TBC1D4: variants seen among roughly 807,000 people sequenced by gnomAD.
The protein encoded by TBC1D4 is TBC1 domain family member 4, also known as TBC (Tre-2, BUB2, CDC16) domain-containing protein.
Under a neutral mutation model 142.5 loss-of-function variants are expected in TBC1D4, and 121 were observed. The observed-to-expected ratio is 0.85, with a 90% CI of 0.73 to 0.99. The LOEUF (loss-of-function observed/expected upper bound fraction) is 0.99, where lower values mean the gene tolerates loss of function less well. TBC1D4 is among the 50% of genes least tolerant of loss of function. TBC1D4 has a pLI of 0.00. For missense variants in TBC1D4, 1,475 were observed against 1,606.6 expected, an observed-to-expected ratio of 0.92 and a Z score of 1.40; for synonymous variants, 630 against 628.2, an observed-to-expected ratio of 1.00 and a Z score of -0.04.
At chr13:75,469,587 A>G (rs1888313443) in intron 1 of TBC1D4, among the ~76,000 whole-genome samples, 1 of 152,166 alleles carries the variant, frequency 6.6e-6, no homozygotes, top group South Asian at 2.1e-4. Context: ...CCTGGGAAAC[A>G]TAGCCAAACC....
intron 1 of TBC1D4, among the ~76,000 whole-genome samples, chr13:75,429,005 G>C (rs1036831236): frequency 6.6e-6 from 1 of 152,112 alleles, no homozygotes; most frequent in African/African-American, 2.4e-5. Flanking sequence ...TGCCTTTGCC[G>C]AATCACCTGA....
chr13:75,380,737 G>C (rs890928641), intron 1 of TBC1D4, among the ~76,000 whole-genome samples: 1 of 152,106 alleles, frequency 6.6e-6, no homozygotes, highest in Non-Finnish European at 1.5e-5. Context: ...TCCTATGGGA[G>C]TCCTGACAAA....
chr13:75,304,879 G>C (rs1349770996), intron 15 of TBC1D4, among the ~76,000 whole-genome samples: 1 of 152,154 alleles, frequency 6.6e-6, no homozygotes, highest in Non-Finnish European at 1.5e-5. Flanking sequence ...AAGTAAAATA[G>C]AGCACACAAT....
rs373080119 is a variant in TBC1D4, at chr13:75,362,566, C to T, written c.540G>A (p.Ala180=). The part of the protein sequence containing the change: ...VISSIRQLSK[A]AMKEDAKPSK... ...TGGGTTTGGCATCCTCTTTCATGGCCGCTTTAGATAATTGCCTTATGCTGC... is the reference window on the plus strand; with the variant it reads ...TGGGTTTGGCATCCTCTTTCATGGCTGCTTTAGATAATTGCCTTATGCTGC... The change falls in exon 2 of 21, where the codon GCG becomes GCA. Residue 180 remains alanine (A), a synonymous_variant. Transcript: ENST00000377636. This position sits in a 1 kb window ranked among gnomAD's most constrained non-coding sequence, Gnocchi z 4.2. The T allele has an allele frequency of 3.7e-6, 6 of 1,614,124 alleles. No homozygotes were observed. Among genetic ancestry groups the T allele is most frequent in the African/African-American group, 1.3e-5 (1 of 75,030 alleles).
chr13:75,375,139 G>A (rs1424355675), intron 1 of TBC1D4, among the ~76,000 whole-genome samples: 2 of 152,212 alleles, frequency 1.3e-5, no homozygotes, highest in East Asian at 3.8e-4. Flanking sequence ...AAGGAAATTA[G>A]TCTGGTACCA....
chr13:75,357,473 C>T (rs986384004), intron 3 of TBC1D4, among the ~76,000 whole-genome samples: 6 of 152,166 alleles, frequency 3.9e-5, no homozygotes, highest in Admixed American at 1.3e-4. Context: ...TATAACATTC[C>T]CTTCTCACCT....
intron 2 of TBC1D4, among the ~76,000 whole-genome samples, chr13:75,361,232 T>C (rs1882473865): frequency 6.6e-6 from 1 of 152,224 alleles, no homozygotes; most frequent in Non-Finnish European, 1.5e-5. Context: ...TTAACGTCTT[T>C]TGGTGTGACA....
intron 1 of TBC1D4, among the ~76,000 whole-genome samples, chr13:75,432,193 G>A (rs1886615879): frequency 6.6e-6 from 1 of 152,174 alleles, no homozygotes; most frequent in Non-Finnish European, 1.5e-5. Context: ...TCCATGACTG[G>A]AGAGAATGGT....
chr13:75,434,764 G>A (rs1188304687), intron 1 of TBC1D4, among the ~76,000 whole-genome samples: 1 of 151,834 alleles, frequency 6.6e-6, no homozygotes, highest in Non-Finnish European at 1.5e-5. Context: ...TTCAAAATCT[G>A]TAAAACAAAA....
chr13:75,376,567 G>A (rs1314681094), intron 1 of TBC1D4, among the ~76,000 whole-genome samples: 2 of 152,146 alleles, frequency 1.3e-5, no homozygotes, highest in Admixed American at 6.5e-5. Flanking sequence ...TAGTAGAGAC[G>A]AGATGGGGTT....
chr13:75,299,478 T>G lies in TBC1D4; in HGVS notation c.3008A>C (p.Lys1003Thr). 5 of 1,614,148 alleles carry G rather than the reference T, an allele frequency of 3.1e-6. No homozygotes were observed. Among genetic ancestry groups the G allele is most frequent in the Non-Finnish European group, 4.2e-6 (5 of 1,180,026 alleles). The change falls in exon 17 of 21, where the codon AAA becomes ACA. Residue 1003 changes from lysine (K) to threonine (T), a missense_variant. Around this residue, in one of 2 missense-constraint regions of TBC1D4, gnomAD observed 1,227 missense variants for 1,267.7 expected, o/e 0.97. Coordinates refer to ENST00000377636, the MANE Select transcript of TBC1D4 (RefSeq NM_014832.5). ...NLLKAYSLLDKEVGYCQGISF... is the reference protein window; with the variant it reads ...NLLKAYSLLDTEVGYCQGISF... ...GATCCCCTGACAGTATCCCACTTCT[T>G]TGTCCAGCAAAGAATAGGCTTTCAG...
At chr13:75,392,302 CCTT>C (rs1362502848) in intron 1 of TBC1D4, among the ~76,000 whole-genome samples, 1 of 152,156 alleles carries the variant, frequency 6.6e-6, no homozygotes. Flanking sequence ...AGTATATCCT[CCTT>C]CTCACTTTAT....
chr13:75,455,364 GATTATA>G (rs149322557), intron 1 of TBC1D4, among the ~76,000 whole-genome samples: 4,661 of 152,046 alleles, frequency 0.031, 93 homozygotes, highest in Non-Finnish European at 0.044. Context: ...ACTATACAAC[GATTATA>G]ATTATATTTA....
chr13:75,337,657 C>G (rs755655856), intron 7 of TBC1D4, among the ~76,000 whole-genome samples: 5 of 152,108 alleles, frequency 3.3e-5, no homozygotes, highest in Non-Finnish European at 7.4e-5. Flanking sequence ...AACTTTCAAG[C>G]GAGAAACCTT....
intron 1 of TBC1D4, among the ~76,000 whole-genome samples, chr13:75,437,000 A>AATC (rs1886827286): frequency 6.6e-6 from 1 of 152,188 alleles, no homozygotes; most frequent in Non-Finnish European, 1.5e-5. Flanking sequence ...CCAAACCCAA[A>AATC]CTGAGAAATA....
chr13:75,359,852 G>A lies in TBC1D4; in HGVS notation c.1087C>T (p.Arg363Ter), dbSNP rs587777260. Residue 363 changes from arginine (R) to a stop codon, truncating the protein, a stop_gained, in exon 3 of 21, where the codon CGA (arginine) becomes TGA (stop). Transcript: ENST00000377636. LOFTEE classifies it high-confidence loss of function. ...KNRTMLFQVG[R>*]FEINLISPDT... ...GGACTGATAAGGTTAATCTCAAATC[G>A]CCCAACCTTAAAAATAAAAGCATTC... 6.8e-6 allele frequency: 11 copies of A among 1,612,950 alleles called. No homozygotes were observed. In the East Asian group the frequency reaches 1.3e-4, roughly 20 times the overall value.
At chr13:75,415,964 G>A (rs1885899188) in intron 1 of TBC1D4, among the ~76,000 whole-genome samples, 1 of 152,178 alleles carries the variant, frequency 6.6e-6, no homozygotes, top group African/African-American at 2.4e-5. Context: ...AAGGGTCACA[G>A]AACTTAGCAA....
At chr13:75,429,310 T>A (rs1365971652) in intron 1 of TBC1D4, among the ~76,000 whole-genome samples, 1 of 152,196 alleles carries the variant, frequency 6.6e-6, no homozygotes, top group Non-Finnish European at 1.5e-5. Context: ...ATAATCTCCA[T>A]CACTGAAAGT....
At chr13:75,469,465 G>A (rs556200469) in intron 1 of TBC1D4, among the ~76,000 whole-genome samples, 58 of 152,224 alleles carry the variant, frequency 3.8e-4, no homozygotes, top group South Asian at 3.5e-3. Flanking sequence ...ATGGAGAGCT[G>A]TGGACATACA....
Sources: allele counts gnomAD v4.1 joint callset (sites outside exome capture counted in the v4.1 genomes callset), GRCh38; gene constraint gnomAD v4.1.1; regional missense constraint gnomAD v4.1.1; non-coding constraint Gnocchi (gnomAD v3.1); transcripts MANE v1.5; gene names NCBI Gene and HGNC (gene_info 2026-07-23, HGNC 2026-07-21).